Variants in MDGA2 observed in about 807,000 individuals in gnomAD.
MDGA2 encodes the protein MAM domain containing glycosylphosphatidylinositol anchor 2, also known as MAM domain-containing glycosylphosphatidylinositol anchor protein 2.
MDGA2 carries 40 observed loss-of-function variants against 117.8 expected under a neutral mutation model. The ratio of observed to expected loss-of-function variants is 0.34; its 90% CI spans 0.26 to 0.44. The LOEUF is 0.44. MDGA2 is among the 20% of genes least tolerant of loss of function. The probability of loss-of-function intolerance (pLI) is 1.00; values close to 1 mark genes in which losing one functional copy is unlikely to be tolerated. For synonymous variants in MDGA2, 452 were observed against 439.0 expected (o/e 1.03, Z -0.37); for missense variants, 1,123 against 1,250.6 (o/e 0.90, Z 1.54).
At chr14:47,590,367 T>C (rs1433322416) in intron 1 of MDGA2, among the ~76,000 whole-genome samples, 1 of 151,728 alleles carries the variant, frequency 6.6e-6, no homozygotes, top group African/African-American at 2.4e-5. Context: ...TAAAAGACCA[T>C]GGCCTAGATC....
At chr14:47,360,953 T>C (rs1891106909) in intron 1 of MDGA2, among the ~76,000 whole-genome samples, 1 of 151,982 alleles carries the variant, frequency 6.6e-6, no homozygotes, top group African/African-American at 2.4e-5. Context: ...TGGGAAGATG[T>C]AGGTCAAAGG....
At chr14:47,103,959 G>A (rs1477413986) in intron 5 of MDGA2, among the ~76,000 whole-genome samples, 2 of 152,042 alleles carry the variant, frequency 1.3e-5, no homozygotes, top group East Asian at 3.9e-4. Flanking sequence ...AAGAATCCCT[G>A]CTGTCAGAAG....
intron 5 of MDGA2, among the ~76,000 whole-genome samples, chr14:47,107,499 T>C (rs751497468): frequency 2.7e-5 from 4 of 147,358 alleles, no homozygotes; most frequent in African/African-American, 4.9e-5. Flanking sequence ...TCCCTTGGAC[T>C]GACCCTGACA....
In MDGA2 at chr14:46,860,391, G is replaced by A. The variant is rs528142742; in HGVS notation, c.2753-5237C>T. On this transcript the variant is annotated intron_variant, in intron 14 of 16. Transcript: ENST00000399232. Reference sequence around the variant, plus strand: ...TGCATTCCATAATGTTGAACTAATCGTATATTACAGAAATAAAATGTACTT... The same window carrying A: ...TGCATTCCATAATGTTGAACTAATCATATATTACAGAAATAAAATGTACTT... Among the ~76,000 whole-genome samples, 15 of 151,926 alleles carry A rather than the reference G, an allele frequency of 9.9e-5. No individual in the cohort carries two copies. In the South Asian group the frequency reaches 2.9e-3, roughly 29 times the overall value.
intron 7 of MDGA2, among the ~76,000 whole-genome samples, chr14:47,036,955 T>C (rs372580328): frequency 7.2e-5 from 11 of 152,184 alleles, no homozygotes; most frequent in Non-Finnish European, 1.2e-4. Context: ...ACCACCACCA[T>C]TTTGAAGTAG....
intron 5 of MDGA2, among the ~76,000 whole-genome samples, chr14:47,110,433 G>C (rs1880976852): frequency 6.6e-6 from 1 of 152,058 alleles, no homozygotes; most frequent in Admixed American, 6.6e-5. Context: ...AAGACCATCT[G>C]GTGTTGATTT....
intron 8 of MDGA2, among the ~76,000 whole-genome samples, chr14:46,994,286 G>A (rs911913946): frequency 2.0e-5 from 3 of 152,028 alleles, no homozygotes; most frequent in Non-Finnish European, 4.4e-5. Flanking sequence ...ATTTTAGTCT[G>A]TATTCTTCCC....
At chr14:47,038,927 G>A (rs768418532) in intron 7 of MDGA2, among the ~76,000 whole-genome samples, 1 of 150,502 alleles carries the variant, frequency 6.6e-6, no homozygotes, top group Non-Finnish European at 1.5e-5. Flanking sequence ...TCCAGCCTGG[G>A]CAACGGAGTG....
intron 3 of MDGA2, among the ~76,000 whole-genome samples, chr14:47,153,821 C>G (rs1448509387): frequency 6.6e-6 from 1 of 151,662 alleles, no homozygotes; most frequent in East Asian, 1.9e-4. Flanking sequence ...TAAAATAGCA[C>G]TTCCACAGCC....
chr14:47,443,222 G>C (rs1340092373), intron 1 of MDGA2, among the ~76,000 whole-genome samples: 1 of 152,106 alleles, frequency 6.6e-6, no homozygotes, highest in Non-Finnish European at 1.5e-5. Flanking sequence ...CAGTTTTGCT[G>C]TTCCACCTCA....
rs1193188738 is a variant in MDGA2 at position 47,331,071 on chromosome 14, C to A, written c.281-29521G>T. Among the ~76,000 whole-genome samples, 5 of 151,866 alleles carry A rather than the reference C, an allele frequency of 3.3e-5. No homozygotes were observed. The South Asian group carries it at 8.3e-4, about 25-fold the overall frequency. The stretch of plus-strand genomic sequence containing the variant: ...CTTCTTAGGTTTACTAAACCAGCAA[C>A]TTTTTTATAATGAAAATTTTGTAAA... On this transcript the variant is annotated intron_variant, in intron 1 of 16. Transcript: ENST00000399232.
At chr14:47,613,504 C>CAT (rs1205891071) in intron 1 of MDGA2, among the ~76,000 whole-genome samples, 3 of 151,458 alleles carry the variant, frequency 2.0e-5, no homozygotes, top group Admixed American at 6.6e-5. Flanking sequence ...CACACACACA[C>CAT]ACGCACACGC....
intron 10 of MDGA2, among the ~76,000 whole-genome samples, chr14:46,917,035 C>A (rs1883928349): frequency 6.6e-6 from 1 of 151,080 alleles, no homozygotes. Context: ...ATGCATCTTA[C>A]AAAACCTGGA....
chr14:47,530,233 C>A (rs1895067238), intron 1 of MDGA2, among the ~76,000 whole-genome samples: 1 of 152,014 alleles, frequency 6.6e-6, no homozygotes, highest in Non-Finnish European at 1.5e-5. Context: ...TAAATGCCCT[C>A]ATCTTGCCAC....
chr14:46,996,065 T>C (rs1887279723), intron 8 of MDGA2, among the ~76,000 whole-genome samples: 1 of 152,142 alleles, frequency 6.6e-6, no homozygotes, highest in Admixed American at 6.6e-5. Flanking sequence ...ATGGTAAGTT[T>C]ATGTTAAGAG....
chr14:47,557,521 G>A (rs1895707226), intron 1 of MDGA2, among the ~76,000 whole-genome samples: 2 of 152,184 alleles, frequency 1.3e-5, no homozygotes, highest in Non-Finnish European at 2.9e-5. Flanking sequence ...TTAAGAACCA[G>A]AGAAAGTGAG....
At chr14:47,133,250 T>C (rs1002739337) in intron 4 of MDGA2, among the ~76,000 whole-genome samples, 4 of 151,970 alleles carry the variant, frequency 2.6e-5, no homozygotes, top group Non-Finnish European at 4.4e-5. Context: ...AGAGTTTATA[T>C]ATAAAACTAT....
chr14:47,475,431 T>TG (rs1404376351), intron 1 of MDGA2, among the ~76,000 whole-genome samples: 34 of 152,122 alleles, frequency 2.2e-4, no homozygotes, highest in Admixed American at 1.3e-4. Flanking sequence ...TCCTCAGAGA[T>TG]GCAGACAGCA....
Position 47,628,146 on chromosome 14 carries a change from C to T in MDGA2, c.280+46371G>A, listed in dbSNP as rs1380758980. Among the ~76,000 whole-genome samples the T allele has an allele frequency of 2.6e-5, 4 of 152,324 alleles. No homozygotes were observed. In the East Asian group the frequency reaches 7.7e-4, roughly 29 times the overall value. ...TCTTCCCACTGTCTCAAGTTCTCTT[C>T]TTCCCCACTCTTGCCATCACTTATC... On this transcript the variant is annotated intron_variant, in intron 1 of 16. Coordinates refer to ENST00000399232, the MANE Select transcript of MDGA2 (RefSeq NM_001113498.3).
Sources: gnomAD v4.1 joint callset for allele counts (sites outside exome capture counted in the v4.1 genomes callset) on GRCh38, gnomAD v4.1.1 for gene constraint, MANE v1.5 for transcripts, NCBI Gene and HGNC (gene_info 2026-07-23, HGNC 2026-07-21) for gene names.